ACOXL: variants seen among roughly 807,000 people sequenced by gnomAD.
ACOXL encodes acyl-coenzyme A oxidase-like protein.
In ACOXL, 70 loss-of-function variants were observed where a neutral mutation model predicts 71.9. The ratio of observed to expected loss-of-function variants is 0.97; its 90% confidence interval spans 0.80 to 1.19. The LOEUF (loss-of-function observed/expected upper bound fraction) is 1.19. ACOXL is among the 50% of genes most tolerant of loss of function. The pLI is 0.00. For missense variants in ACOXL, 703 were observed against 736.3 expected, an observed-to-expected ratio of 0.95 and a Z score of 0.52; for synonymous variants, 253 against 281.6, an observed-to-expected ratio of 0.90 and a Z score of 1.02.
At chr2:110,830,143 A>G (rs2105619861) in intron 9 of ACOXL, among the ~76,000 whole-genome samples, 1 of 152,360 alleles carries the variant, frequency 6.6e-6, no homozygotes, top group African/African-American at 2.4e-5. Flanking sequence ...AGATTTTTAA[A>G]ATAATTATTC....
intron 10 of ACOXL, among the ~76,000 whole-genome samples, chr2:110,883,255 A>G (rs181738947): frequency 1.8e-4 from 27 of 152,122 alleles, no homozygotes; most frequent in African/African-American, 5.5e-4. Context: ...GATTACAGGC[A>G]TATGCCACCA....
intron 10 of ACOXL, among the ~76,000 whole-genome samples, chr2:110,846,805 T>C (rs962008358): frequency 1.3e-5 from 2 of 151,518 alleles, no homozygotes; most frequent in African/African-American, 4.9e-5. Flanking sequence ...GTGTATGTGT[T>C]TGTGTGTGTC....
intron 10 of ACOXL, among the ~76,000 whole-genome samples, chr2:110,902,348 T>C (rs2059273104): frequency 1.3e-5 from 2 of 152,122 alleles, no homozygotes; most frequent in Non-Finnish European, 2.9e-5. Context: ...TGCAGGCCTG[T>C]AGTCCCAACT....
chr2:110,785,033 C>T (rs778506826), intron 3 of ACOXL, among the ~76,000 whole-genome samples: 11 of 152,122 alleles, frequency 7.2e-5, no homozygotes, highest in Non-Finnish European at 1.5e-4. Flanking sequence ...AGTTTTGTTA[C>T]ATTTGTATCA....
intron 16 of ACOXL, among the ~76,000 whole-genome samples, chr2:111,050,522 G>A (rs2066239642): frequency 6.6e-6 from 1 of 152,166 alleles, no homozygotes. Flanking sequence ...GCAGCTCTTG[G>A]GCCCTGGATG....
At chr2:110,859,704 G>A (rs531836319) in intron 10 of ACOXL, among the ~76,000 whole-genome samples, 1 of 152,314 alleles carries the variant, frequency 6.6e-6, no homozygotes, top group African/African-American at 2.4e-5. Context: ...GGGTTGGATG[G>A]CAGACATAAG....
At chr2:110,769,253 A>G (rs1389624334) in intron 2 of ACOXL, among the ~76,000 whole-genome samples, 1 of 151,998 alleles carries the variant, frequency 6.6e-6, no homozygotes, top group Non-Finnish European at 1.5e-5. Context: ...AAAGAAAGAA[A>G]GAAAGAAAGA....
At chr2:111,035,446 G>C in intron 15 of ACOXL, among the ~76,000 whole-genome samples, 1 of 151,986 alleles carries the variant, frequency 6.6e-6, no homozygotes, top group East Asian at 1.9e-4. Context: ...AACCCCTAAG[G>C]GTGTACCAAT....
chr2:110,768,447 C>T lies in ACOXL; in HGVS notation c.58C>T (p.Arg20Cys), dbSNP rs752696818. 4.0e-5 allele frequency: 65 copies of T among 1,612,310 alleles called. 1 individual carries two copies. Among genetic ancestry groups the T allele is most frequent in the African/African-American group, 8.1e-5 (6 of 74,274 alleles). The stretch of plus-strand genomic sequence containing the variant: ...TGCCATGGACCTGCCTCTGTTAAAA[C>T]GTGCAGGTCAGGATCTGGTAAGTGT... ...KFAMDLPLLKRAGQDLAEKTK... is the reference protein window; with the variant it reads ...KFAMDLPLLKCAGQDLAEKTK... Residue 20 changes from arginine to cysteine, a missense_variant, in exon 2 of 18, where the codon CGT becomes TGT. Coordinates refer to ENST00000439055, the MANE Select transcript of ACOXL (RefSeq NM_001142807.4).
rs551767677 is a variant in ACOXL, at chr2:111,030,779, G to A, written c.1282-848G>A. On this transcript the variant is annotated intron_variant, in intron 14 of 17. Coordinates refer to ENST00000439055, the MANE Select transcript of ACOXL (RefSeq NM_001142807.4). ...TAAGTATTAAACCCATGTGGTTTTC[G>A]AAACAAAGAAAGTCAAGAAGGAACA... 7.0e-4 allele frequency among the ~76,000 whole-genome samples: 106 copies of A among 151,706 alleles called. 1 individual carries two copies. Among genetic ancestry groups the A allele is most frequent in the African/African-American group, 2.2e-3 (89 of 41,380 alleles).
intron 15 of ACOXL, among the ~76,000 whole-genome samples, chr2:111,048,402 G>T (rs539030058): frequency 6.6e-6 from 1 of 152,188 alleles, no homozygotes. Context: ...GCCTTAATGC[G>T]TGTCAAATAA....
intron 10 of ACOXL, chr2:110,886,672 T>C: frequency 1.4e-6 from 2 of 1,404,984 alleles, no homozygotes; most frequent in Middle Eastern, 1.8e-4. Flanking sequence ...AGCCACTGCG[T>C]CTGTCCCTCC....
chr2:110,982,990 A>G (rs1299004269), intron 12 of ACOXL, among the ~76,000 whole-genome samples: 1 of 152,202 alleles, frequency 6.6e-6, no homozygotes, highest in Non-Finnish European at 1.5e-5. Context: ...TAGCCAGTCT[A>G]CCTAGGGCTC....
chr2:110,871,832 G>T (rs991380243), intron 10 of ACOXL, among the ~76,000 whole-genome samples: 1 of 152,134 alleles, frequency 6.6e-6, no homozygotes, highest in African/African-American at 2.4e-5. Context: ...GCAAGGGGAC[G>T]CTTCCTTTGG....
chr2:110,783,323 G>T (rs111912017), intron 2 of ACOXL, among the ~76,000 whole-genome samples: 1 of 152,210 alleles, frequency 6.6e-6, no homozygotes, highest in African/African-American at 2.4e-5. Flanking sequence ...AACTTCAGCA[G>T]TGTGAGCTGA....
intron 12 of ACOXL, among the ~76,000 whole-genome samples, chr2:110,966,377 T>G (rs1191895133): frequency 1.3e-5 from 2 of 152,178 alleles, no homozygotes; most frequent in Non-Finnish European, 2.9e-5. Flanking sequence ...GAGTCTCTAC[T>G]CCCACCTGAT....
chr2:110,896,664 A>G (rs565883630), intron 10 of ACOXL, among the ~76,000 whole-genome samples: 16 of 152,332 alleles, frequency 1.1e-4, no homozygotes, highest in African/African-American at 2.6e-4. Context: ...AAAAGGGTCA[A>G]TCCATCAAGA....
At chr2:110,883,482 G>C (rs1000051414) in intron 10 of ACOXL, among the ~76,000 whole-genome samples, 1 of 152,112 alleles carries the variant, frequency 6.6e-6, no homozygotes, top group South Asian at 2.1e-4. Context: ...GGATAGTCCT[G>C]GTTTGCTCCT....
chr2:111,029,884 T>G (rs541485303), intron 14 of ACOXL, among the ~76,000 whole-genome samples: 1 of 152,230 alleles, frequency 6.6e-6, no homozygotes, highest in South Asian at 2.1e-4. Flanking sequence ...CCTCATACTC[T>G]GAGGGGTGCA....
Sources: allele counts gnomAD v4.1 joint callset (sites outside exome capture counted in the v4.1 genomes callset), GRCh38; gene constraint gnomAD v4.1.1; transcripts MANE v1.5; gene names NCBI Gene and HGNC (gene_info 2026-07-23, HGNC 2026-07-21).